MUSK: variants seen among roughly 807,000 people sequenced by gnomAD.
MUSK encodes the protein muscle associated receptor tyrosine kinase.
A neutral mutation model predicts 88.7 loss-of-function variants in MUSK; 55 were observed. The ratio of observed to expected loss-of-function variants is 0.62; its 90% CI spans 0.50 to 0.78. The LOEUF (loss-of-function observed/expected upper bound fraction) is 0.78, where lower values mean the gene tolerates loss of function less well. Among genes scored for constraint, MUSK ranks in the 30% least tolerant of loss-of-function variants. MUSK has a pLI of 0.00. For synonymous variants in MUSK, 387 were observed against 391.9 expected (o/e 0.99, Z 0.15); for missense variants, 1,015 against 1,074.3 (o/e 0.94, Z 0.77).
intron 5 of MUSK, among the ~76,000 whole-genome samples, chr9:110,724,247 G>T (rs2076854988): frequency 6.6e-6 from 1 of 151,798 alleles, no homozygotes; most frequent in East Asian, 1.9e-4. Flanking sequence ...TAATCCCCCA[G>T]TTACTGAATT....
rs1168716499 is a variant in MUSK at position 110,761,567 on chromosome 9, C to CTTTTTTTT, written c.914-616_914-609dup. ...CTTCTCTGTTAACCTCCACATCTTG[C>CTTTTTTTT]TTTTTTTTTTTTTTTTTTTTTTTTT... On this transcript the variant is annotated intron_variant, in intron 7 of 14. Transcript: ENST00000374448. Among the ~76,000 whole-genome samples the CTTTTTTTT allele has an allele frequency of 9.5e-5, 5 of 52,738 alleles. 1 individual carries two copies. The highest frequency in any genetic ancestry group is 2.6e-4 in the Admixed American group (1 of 3,894). The allele number at this position is 52,738 out of a possible 152,430, so 34.6% of individuals were successfully genotyped here.
At position 110,767,866 on chromosome 9, in the gene MUSK, G is replaced by T; in HGVS notation, c.967G>T (p.Glu323Ter). The T allele has an allele frequency of 6.2e-7, 1 of 1,614,016 alleles. No homozygotes were observed. Among genetic ancestry groups the T allele is most frequent in the Non-Finnish European group, 8.5e-7 (1 of 1,179,896 alleles). Residue 323 changes from glutamate to a stop codon, truncating the protein, a stop_gained, in exon 9 of 15, where the codon GAG (glutamate) becomes TAG (stop). Coordinates refer to ENST00000374448, the MANE Select transcript of MUSK (RefSeq NM_005592.4). LOFTEE classifies it high-confidence loss of function. The part of the protein sequence containing the change: ...NKGYCAQYRG[E>*]VCNAVLAKDA... ...AGGCTACTGCGCCCAGTACAGAGGG[G>T]AGGTGTGTAATGCAGTCCTGGCAAA...
intron 6 of MUSK, among the ~76,000 whole-genome samples, chr9:110,746,807 T>A (rs1200749647): frequency 6.6e-6 from 1 of 152,080 alleles, no homozygotes. Context: ...CTTGAGGTAT[T>A]ATGTATGTAT....
intron 1 of MUSK, 21 bp from the exon 2 acceptor site, chr9:110,682,653 T>C: frequency 6.2e-7 from 1 of 1,608,414 alleles, no homozygotes; most frequent in Non-Finnish European, 8.5e-7. Context: ...TGTTCTCTTT[T>C]GATTTCTCCT....
chr9:110,695,449 A>G lies in MUSK; in HGVS notation c.405A>G (p.Gly135=). 2 of 1,546,670 alleles carry G rather than the reference A, an allele frequency of 1.3e-6. No individual in the cohort carries two copies. The highest frequency in any genetic ancestry group is 1.8e-6 in the Non-Finnish European group (2 of 1,136,996). Residue 135 remains glycine (G), a synonymous_variant, in exon 4 of 15, where the codon GGA becomes GGG. Coordinates refer to ENST00000374448, the MANE Select transcript of MUSK (RefSeq NM_005592.4). ...CCATAAATGTGAAAATAATAGAGGGATTAAAAGCAGTCCTACCATGTACTA... is the reference window on the plus strand; with the variant it reads ...CCATAAATGTGAAAATAATAGAGGGGTTAAAAGCAGTCCTACCATGTACTA... ...RPPINVKIIE[G]LKAVLPCTTM...
intron 7 of MUSK, among the ~76,000 whole-genome samples, chr9:110,753,800 A>T (rs2077278428): frequency 6.6e-6 from 1 of 152,214 alleles, no homozygotes; most frequent in Non-Finnish European, 1.5e-5. Context: ...AACTCCCCAG[A>T]TGAACCACAT....
At chr9:110,689,673 T>TA (rs1554735319) in intron 3 of MUSK, among the ~76,000 whole-genome samples, 6 of 8,844 alleles carry the variant, frequency 6.8e-4, no homozygotes, top group African/African-American at 3.6e-3. Context: ...ACATAGTATA[T>TA]TATATATAAC....
At chr9:110,780,613 G>A (rs992895275) in intron 11 of MUSK, among the ~76,000 whole-genome samples, 4 of 152,182 alleles carry the variant, frequency 2.6e-5, no homozygotes, top group African/African-American at 4.8e-5. Context: ...GTTGAAAAGT[G>A]TATTAACTGG....
At chr9:110,674,756 G>A (rs1241310911) in intron 1 of MUSK, among the ~76,000 whole-genome samples, 1 of 151,702 alleles carries the variant, frequency 6.6e-6, no homozygotes, top group Admixed American at 6.6e-5. Flanking sequence ...GGATTACAAA[G>A]TGTGTGCCAC....
intron 5 of MUSK, among the ~76,000 whole-genome samples, chr9:110,698,202 C>T (rs2076458181): frequency 6.6e-6 from 1 of 152,150 alleles, no homozygotes; most frequent in African/African-American, 2.4e-5. Context: ...CTAGCTCTTC[C>T]TGTTGTATGC....
At position 110,800,322 on chromosome 9, in the gene MUSK, G is replaced by A. The variant is rs1206244035; in HGVS notation, c.1944G>A (p.Gly648=). The A allele has an allele frequency of 6.8e-6, 11 of 1,609,358 alleles. No homozygotes were observed. The highest frequency in any genetic ancestry group is 8.5e-6 in the Non-Finnish European group (10 of 1,176,484). Residue 648 remains glycine (G), a synonymous_variant, in exon 15 of 15, where the codon GGG becomes GGA. Transcript: ENST00000374448. ...TGGTTCCAGGAGTGTGTGCTGTCGG[G>A]AAGCCAATGTGCCTGCTCTTTGAAT... ...IVKLLGVCAV[G]KPMCLLFEYM...
chr9:110,711,364 G>T (rs1208130631), intron 5 of MUSK, among the ~76,000 whole-genome samples: 1 of 152,168 alleles, frequency 6.6e-6, no homozygotes, highest in African/African-American at 2.4e-5. Flanking sequence ...CCCTTTTAGT[G>T]AACTAAGGTT....
At chr9:110,687,615 G>T (rs906720862) in intron 3 of MUSK, among the ~76,000 whole-genome samples, 1 of 152,104 alleles carries the variant, frequency 6.6e-6, no homozygotes, top group Non-Finnish European at 1.5e-5. Context: ...AATTACAGGC[G>T]TGAGCCACTG....
At chr9:110,717,197 T>A (rs979526321) in intron 5 of MUSK, among the ~76,000 whole-genome samples, 2 of 149,836 alleles carry the variant, frequency 1.3e-5, no homozygotes, top group African/African-American at 5.1e-5. Flanking sequence ...TAATTCCTTT[T>A]CTGTTTTCTG....
intron 5 of MUSK, chr9:110,728,761 CT>C (rs1161772943): frequency 2.0e-6 from 3 of 1,503,506 alleles, no homozygotes; most frequent in Non-Finnish European, 2.7e-6. Context: ...AATTGTGTAG[CT>C]CTTTTCAATT....
chr9:110,804,908 G>T lies in MUSK; in HGVS notation c.*3920G>T, dbSNP rs1039540972. The stretch of plus-strand genomic sequence containing the variant: ...TAGATAGATAGATGATACATAGAGA[G>T]AGATAGATAGATAATTTAAACAAAA... On this transcript the variant is annotated 3_prime_UTR_variant, in exon 15 of 15. Coordinates refer to ENST00000374448, the MANE Select transcript of MUSK (RefSeq NM_005592.4). Among the ~76,000 whole-genome samples, 4 of 151,792 alleles carry T rather than the reference G, an allele frequency of 2.6e-5. No homozygotes were observed. The East Asian group carries it at 7.7e-4, about 29-fold the overall frequency.
rs1456690772 is a variant in MUSK, at chr9:110,803,696, T to C, written c.*2708T>C. Among the ~76,000 whole-genome samples, 2 of 152,244 alleles carry C rather than the reference T, an allele frequency of 1.3e-5. No individual in the cohort carries two copies. Among genetic ancestry groups the C allele is most frequent in the African/African-American group, 2.4e-5 (1 of 41,466 alleles). ...TAATCATAACATCTAATAGGTGACA[T>C]GTTTATTTTTTCATGAGTTCTAATT... On this transcript the variant is annotated 3_prime_UTR_variant, in exon 15 of 15. Transcript: ENST00000374448.
In MUSK at chr9:110,804,665, T is replaced by C. The variant is rs1454946345; in HGVS notation, c.*3677T>C. ...CTTTACACAAGAGATCACATCTACTTACTTTACCTTAAAATAACATTTACT... is the reference window on the plus strand; with the variant it reads ...CTTTACACAAGAGATCACATCTACTCACTTTACCTTAAAATAACATTTACT... On this transcript the variant is annotated 3_prime_UTR_variant, in exon 15 of 15. Coordinates refer to ENST00000374448, the MANE Select transcript of MUSK (RefSeq NM_005592.4). 6.7e-6 allele frequency among the ~76,000 whole-genome samples: 1 copy of C among 150,248 alleles called. No individual in the cohort carries two copies. The highest frequency in any genetic ancestry group is 6.8e-5 in the Admixed American group (1 of 14,712).
At chr9:110,669,285 A>G (rs1345231765) in intron 1 of MUSK, among the ~76,000 whole-genome samples, 1 of 152,172 alleles carries the variant, frequency 6.6e-6, no homozygotes, top group African/African-American at 2.4e-5. Context: ...TATTTTGTTT[A>G]TGCGAATGTC....
Sources: allele counts gnomAD v4.1 joint callset (sites outside exome capture counted in the v4.1 genomes callset), GRCh38; gene constraint gnomAD v4.1.1; transcripts MANE v1.5; gene names NCBI Gene and HGNC (gene_info 2026-07-23, HGNC 2026-07-21).